The following BRWD1 variants were observed in gnomAD, a reference collection of about 807,000 sequenced individuals.
BRWD1 encodes the protein bromodomain and WD repeat domain containing 1.
BRWD1 carries 82 observed loss-of-function variants against 251.2 expected under a neutral mutation model. The observed-to-expected ratio is 0.33, with a 90% CI of 0.27 to 0.39. The LOEUF (loss-of-function observed/expected upper bound fraction) is 0.39. Among genes scored for constraint, BRWD1 ranks in the 10% least tolerant of loss-of-function variants. The pLI is 1.00. For synonymous variants in BRWD1, 918 were observed against 902.8 expected (o/e 1.02, Z -0.30); for missense variants, 2,233 against 2,711.6 (o/e 0.82, Z 3.92).
At chr21:39,217,072 TATATATATATA>T (rs2032968547) in intron 31 of BRWD1, 7 of 11,244 alleles carry the variant, frequency 6.2e-4, no homozygotes, top group African/African-American at 1.0e-3. Flanking sequence ...TATATATATA[TATATATATATA>T]TTTTTTTTTT....
chr21:39,185,238 C>T (rs2031146801), downstream of BRWD1: 3 of 138,158 alleles, frequency 2.2e-5, no homozygotes, highest in African/African-American at 8.1e-5. Context: ...AGAAATTAAC[C>T]CCACCACAGC....
chr21:39,304,066 G>T (rs556057473), intron 4 of BRWD1, among the ~76,000 whole-genome samples: 1 of 149,482 alleles, frequency 6.7e-6, no homozygotes, highest in Non-Finnish European at 1.5e-5. Flanking sequence ...GCTTGAACCC[G>T]GGAGGCGGAG....
chr21:39,272,149 T>C (rs1396317608), intron 13 of BRWD1, among the ~76,000 whole-genome samples: 1 of 149,330 alleles, frequency 6.7e-6, no homozygotes, highest in African/African-American at 2.5e-5. Context: ...AGAAGTAAAA[T>C]GGAGGCCGGG....
chr21:39,265,648 A>G (rs571957348), intron 15 of BRWD1, among the ~76,000 whole-genome samples: 14 of 152,230 alleles, frequency 9.2e-5, no homozygotes, highest in Admixed American at 2.0e-4. Context: ...TTGTCTTAGT[A>G]TATAATAAAA....
At chr21:39,253,311 AG>A (rs2034459721) in intron 19 of BRWD1, among the ~76,000 whole-genome samples, 2 of 143,358 alleles carry the variant, frequency 1.4e-5, no homozygotes, top group African/African-American at 5.2e-5. Flanking sequence ...AAAAAAAAAA[AG>A]GACTAGAAGC....
In BRWD1 at chr21:39,190,075, T is replaced by G. The variant is rs1300462453; in HGVS notation, c.*6184A>C. 1.0e-6 allele frequency: 1 copy of G among 985,272 alleles called. No individual in the cohort carries two copies. The highest frequency in any genetic ancestry group is 1.7e-5 in the African/African-American group (1 of 57,238). 61.0% of individuals were successfully genotyped at this position (985,272 alleles called of 1,614,324 possible). ...TCTGTAGTAGCACTCCATGATCATT[T>G]CCCTGGATGACCACTTTAAATTATA... is the stretch of plus-strand genomic sequence containing the variant. On this transcript the variant is annotated 3_prime_UTR_variant, in exon 41 of 41. Coordinates refer to ENST00000342449, the MANE Select transcript of BRWD1 (RefSeq NM_033656.4).
intron 22 of BRWD1, among the ~76,000 whole-genome samples, chr21:39,237,759 C>T (rs1176988730): frequency 1.3e-5 from 2 of 152,094 alleles, no homozygotes; most frequent in South Asian, 2.1e-4. Context: ...TGTCAATGTA[C>T]GTAACAGTAC....
At chr21:39,269,809 C>A in intron 15 of BRWD1, 90 bp downstream of exon 15, 1 of 1,170,986 alleles carries the variant, frequency 8.5e-7, no homozygotes, top group Non-Finnish European at 1.1e-6. Flanking sequence ...ACTGCCAAAA[C>A]AAGCAGATCA....
In BRWD1 at chr21:39,312,988, C is replaced by CGGGCGGG. The variant is rs1402796018; in HGVS notation, c.138+77_138+83dup. 1.0e-5 allele frequency: 8 copies of CGGGCGGG among 783,312 alleles called. No individual in the cohort carries two copies. The East Asian group carries it at 2.2e-4, about 21-fold the overall frequency. The allele number at this position is 783,312 out of a possible 1,614,324, so 48.5% of individuals were successfully genotyped here. ...GGGGCCGGGGGCGGGCGGCGGGCGGCGGGCGGGGGGCGCGGGCGAGCATCC... is the reference window on the plus strand; with the variant it reads ...GGGGCCGGGGGCGGGCGGCGGGCGGCGGGCGGGGGGCGGGGGGCGCGGGCGAGCATCC... On this transcript the variant is annotated intron_variant, in intron 3 of 40. Coordinates refer to ENST00000342449, the MANE Select transcript of BRWD1 (RefSeq NM_033656.4).
chr21:39,214,778 A>T (rs910820500), intron 32 of BRWD1, among the ~76,000 whole-genome samples: 1 of 152,168 alleles, frequency 6.6e-6, no homozygotes, highest in African/African-American at 2.4e-5. Flanking sequence ...TCAGTTTCTC[A>T]GACTTTTACT....
At chr21:39,200,580 T>C in intron 38 of BRWD1, 194 bp from the exon 39 acceptor site, 1 of 407,636 alleles carries the variant, frequency 2.5e-6, no homozygotes, top group East Asian at 4.1e-5. Context: ...AGGTACATAA[T>C]CAGCATTCCA....
At chr21:39,273,589 G>A (rs2035185966) in intron 13 of BRWD1, among the ~76,000 whole-genome samples, 1 of 152,046 alleles carries the variant, frequency 6.6e-6, no homozygotes, top group Admixed American at 6.6e-5. Context: ...ATAAAAATTA[G>A]CCAGGCATGG....
chr21:39,320,667 CTTTT>C (rs35218849), intron 1 of BRWD1, among the ~76,000 whole-genome samples: 4 of 99,160 alleles, frequency 4.0e-5, no homozygotes, highest in Non-Finnish European at 3.9e-5. Context: ...AGAGTCATAT[CTTTT>C]TTTTTTTTTT....
In BRWD1 at chr21:39,247,840, A is replaced by G; in HGVS notation, c.2350-8T>C. On this transcript the variant is annotated splice_region_variant and splice_polypyrimidine_tract_variant and intron_variant, in intron 20 of 40. Coordinates refer to ENST00000342449, the MANE Select transcript of BRWD1 (RefSeq NM_033656.4). The stretch of plus-strand genomic sequence containing the variant: ...CAAAACCACTGAATCCGACTGAAAC[A>G]CAGAAAAACATGCGAATGAAAATCA... The G allele has an allele frequency of 6.3e-7, 1 of 1,589,312 alleles. No homozygotes were observed. The highest frequency in any genetic ancestry group is 8.5e-7 in the Non-Finnish European group (1 of 1,169,694).
chr21:39,198,689 GA>G lies in BRWD1; in HGVS notation c.5653+73del, dbSNP rs1386668774. 9.5e-6 allele frequency: 13 copies of G among 1,368,982 alleles called. No individual in the cohort carries two copies. In the Middle Eastern group the frequency reaches 7.9e-4, roughly 83 times the overall value. 84.8% of individuals were successfully genotyped at this position (1,368,982 alleles called of 1,614,324 possible). On this transcript the variant is annotated intron_variant, in intron 40 of 40. Transcript: ENST00000342449. ...GTTTCAAGGGAAACTTTTTCGGGGG[GA>G]AAAAACCAATGTGTGTAAGAGAAAA...
chr21:39,255,375 G>A lies in BRWD1; in HGVS notation c.2255+270C>T, dbSNP rs144141279. Among the ~76,000 whole-genome samples the A allele has an allele frequency of 4.0e-3, 611 of 151,494 alleles. 13 individuals carry two copies. In the East Asian group the frequency reaches 0.088, roughly 22 times the overall value. ...TGCAGTGAGCCGAGATCATGCCACC[G>A]CACTCCAGCCTGCGCAACGAGAGCG... On this transcript the variant is annotated intron_variant, in intron 19 of 40. Coordinates refer to ENST00000342449, the MANE Select transcript of BRWD1 (RefSeq NM_033656.4).
rs768846491 is a variant in BRWD1, at chr21:39,278,774, G to T, written c.972C>A (p.Gly324=). The T allele has an allele frequency of 6.3e-7, 1 of 1,594,334 alleles. No homozygotes were observed. Among genetic ancestry groups the T allele is most frequent in the Non-Finnish European group, 8.5e-7 (1 of 1,172,834 alleles). ...PLKFTEKPRP[G]VQMLCSSFSV... The stretch of plus-strand genomic sequence containing the variant: ...TAAAAGAAGAACAAAGCATTTGAAC[G>T]CCTGGCCTAGGCTTTTCAGTGAACT... Residue 324 remains glycine (G), a synonymous_variant, in exon 10 of 41, where the codon GGC becomes GGA. Transcript: ENST00000342449.
Position 39,191,505 on chromosome 21 carries a change from G to A in BRWD1, c.*4754C>T, listed in dbSNP as rs1278321227. 2.0e-6 allele frequency: 2 copies of A among 977,774 alleles called. No homozygotes were observed. Among genetic ancestry groups the A allele is most frequent in the Non-Finnish European group, 2.4e-6 (2 of 823,284 alleles). 60.6% of individuals were successfully genotyped at this position (977,774 alleles called of 1,614,324 possible). ...TCATCTAAATGAATAGATTAATTTA[G>A]AACATTAACGATCTTATGTGAAGTG... is the stretch of plus-strand genomic sequence containing the variant. On this transcript the variant is annotated 3_prime_UTR_variant, in exon 41 of 41. Transcript: ENST00000342449.
At chr21:39,298,381 T>C in intron 5 of BRWD1, 51 bp downstream of exon 5, 1 of 1,476,686 alleles carries the variant, frequency 6.8e-7, no homozygotes, top group Admixed American at 2.5e-5. Flanking sequence ...ACAATTATAA[T>C]AATTATTAGG....
Sources: allele counts gnomAD v4.1 joint callset (sites outside exome capture counted in the v4.1 genomes callset), GRCh38; gene constraint gnomAD v4.1.1; transcripts MANE v1.5; gene names NCBI Gene and HGNC (gene_info 2026-07-23, HGNC 2026-07-21).